Variants in EBF4 observed in about 807,000 individuals in gnomAD.
The protein encoded by EBF4 is EBF transcription factor 4.
Under a neutral mutation model 67.1 loss-of-function variants are expected in EBF4, and 34 were observed. That is an observed-to-expected ratio of 0.51 (90% CI 0.39 to 0.67). The LOEUF (loss-of-function observed/expected upper bound fraction) is 0.67. Among genes scored for constraint, EBF4 ranks in the 30% least tolerant of loss-of-function variants. The pLI is 0.00. For missense variants in EBF4, 837 were observed against 873.3 expected, an observed-to-expected ratio of 0.96 and a Z score of 0.52; for synonymous variants, 387 against 377.7, an observed-to-expected ratio of 1.02 and a Z score of -0.29.
At chr20:2,706,118 G>T in intron 3 of EBF4, 81 bp downstream of exon 3, 2 of 1,548,978 alleles carry the variant, frequency 1.3e-6, no homozygotes, top group Non-Finnish European at 1.7e-6. Flanking sequence ...AATGCCCCCT[G>T]TGCCAGGGCT....
At chr20:2,698,179 G>C (rs1270596948) in intron 1 of EBF4, among the ~76,000 whole-genome samples, 5 of 152,174 alleles carry the variant, frequency 3.3e-5, no homozygotes, top group Non-Finnish European at 2.9e-5. Flanking sequence ...CTGCCCTCAG[G>C]GACTTTGGTC....
intron 6 of EBF4, among the ~76,000 whole-genome samples, chr20:2,729,599 CA>C (rs931268728): frequency 6.6e-6 from 1 of 152,100 alleles, no homozygotes. Flanking sequence ...TTGAGAGCTC[CA>C]CCTACCACAG....
Position 2,747,786 on chromosome 20 carries a change from C to G in EBF4, c.558-763C>G, listed in dbSNP as rs2088073461. On this transcript the variant is annotated intron_variant, in intron 6 of 16. Transcript: ENST00000609451. The surrounding 1 kb of genome is among the most constrained non-coding windows in gnomAD (Gnocchi z 4.6). ...TATTTGTTCTGTGTATTTCCTATTT[C>G]TCTGTGCATATACTGTGTAGGGTGG... Among the ~76,000 whole-genome samples the G allele has an allele frequency of 2.0e-5, 3 of 152,100 alleles. No individual in the cohort carries two copies. The highest frequency in any genetic ancestry group is 6.6e-5 in the Admixed American group (1 of 15,260).
chr20:2,733,954 T>G (rs1253257388), intron 6 of EBF4, among the ~76,000 whole-genome samples: 1 of 152,188 alleles, frequency 6.6e-6, no homozygotes, highest in South Asian at 2.1e-4. Context: ...TAAATTTTAC[T>G]TATTGTTCTT....
chr20:2,756,448 G>A lies in EBF4; in HGVS notation c.1738+624G>A, dbSNP rs2088244791. 6.6e-6 allele frequency among the ~76,000 whole-genome samples: 1 copy of A among 152,246 alleles called. No homozygotes were observed. The highest frequency in any genetic ancestry group is 1.5e-5 in the Non-Finnish European group (1 of 68,046). On this transcript the variant is annotated intron_variant, in intron 15 of 16. Transcript: ENST00000609451. The surrounding 1 kb of genome is among the most constrained non-coding windows in gnomAD (Gnocchi z 4.5). ...ATTGGAAACTCACTGGGAGGACAGA[G>A]GAAGGGACTGGCTGTGGAAAAGGAG...
intron 6 of EBF4, among the ~76,000 whole-genome samples, chr20:2,729,033 A>C (rs2087779735): frequency 6.6e-6 from 1 of 152,190 alleles, no homozygotes; most frequent in Non-Finnish European, 1.5e-5. Flanking sequence ...ATTACTTAAT[A>C]AATTAATAAA....
chr20:2,746,807 T>C (rs1053099347), intron 6 of EBF4, among the ~76,000 whole-genome samples: 5 of 152,072 alleles, frequency 3.3e-5, no homozygotes, highest in Admixed American at 1.3e-4. Context: ...TATCTCCCAA[T>C]TGGGTGGAGG....
At chr20:2,700,334 A>G (rs913095002) in intron 1 of EBF4, among the ~76,000 whole-genome samples, 4 of 152,054 alleles carry the variant, frequency 2.6e-5, no homozygotes, top group Non-Finnish European at 5.9e-5. Flanking sequence ...GGGGAACCCA[A>G]ATAAAATACT....
intron 1 of EBF4, among the ~76,000 whole-genome samples, chr20:2,698,202 T>G (rs1028414631): frequency 1.3e-5 from 2 of 152,148 alleles, no homozygotes; most frequent in African/African-American, 2.4e-5. Flanking sequence ...TGTGCCAATT[T>G]CCTGGGGCAG....
Position 2,714,526 on chromosome 20 carries a change from A to AT in EBF4, c.557+4890dup, listed in dbSNP as rs149838091. Among the ~76,000 whole-genome samples, 4 of 151,816 alleles carry AT rather than the reference A, an allele frequency of 2.6e-5. No homozygotes were observed. The South Asian group carries it at 8.3e-4, about 32-fold the overall frequency. ...GCCAACAAGCCCAGCTAACTTGTGT[A>AT]TTTTTTGTAGAGATGGGGTTTTGCC... On this transcript the variant is annotated intron_variant, in intron 6 of 16. Coordinates refer to ENST00000609451, the Ensembl canonical transcript of EBF4.
At chr20:2,704,083 T>C (rs1453069836) in intron 1 of EBF4, among the ~76,000 whole-genome samples, 1 of 152,210 alleles carries the variant, frequency 6.6e-6, no homozygotes, top group Non-Finnish European at 1.5e-5. Flanking sequence ...TGCAGTGCTT[T>C]TATGATCTAA....
intron 1 of EBF4, among the ~76,000 whole-genome samples, chr20:2,703,916 A>G (rs2087413187): frequency 6.6e-6 from 1 of 152,076 alleles, no homozygotes; most frequent in African/African-American, 2.4e-5. Flanking sequence ...ATCTGCTTCC[A>G]AGGTCGCTCA....
At position 2,755,290 on chromosome 20, in the gene EBF4, G is replaced by A. The variant is rs2088223811; in HGVS notation, c.1541-337G>A. 3.1e-6 allele frequency: 1 copy of A among 318,928 alleles called. No homozygotes were observed. The highest frequency in any genetic ancestry group is 2.2e-5 in the African/African-American group (1 of 46,126). 19.8% of individuals were successfully genotyped at this position (318,928 alleles called of 1,614,324 possible). A position where few individuals can be genotyped will look rare whatever the true frequency, so the allele number is the denominator to read the frequency against. On this transcript the variant is annotated intron_variant, in intron 14 of 16. Coordinates refer to ENST00000609451, the Ensembl canonical transcript of EBF4. This position sits in a 1 kb window ranked among gnomAD's most constrained non-coding sequence, Gnocchi z 4.7. ...TGTTTCCTAGCATCTCAGAATCCCA[G>A]GGGTTTTCAGCAGAAATCCTGAAGT...
chr20:2,745,700 T>C lies in EBF4; in HGVS notation c.558-2849T>C, dbSNP rs534000659. Among the ~76,000 whole-genome samples the C allele has an allele frequency of 6.6e-6, 1 of 152,166 alleles. No homozygotes were observed. Among genetic ancestry groups the C allele is most frequent in the African/African-American group, 2.4e-5 (1 of 41,426 alleles). ...CCTTGGGGAGGGCAGAAGTAAAGGA[T>C]GTCCCAGAGGCAGGACTAGAAGGTG... On this transcript the variant is annotated intron_variant, in intron 6 of 16. Coordinates refer to ENST00000609451, the Ensembl canonical transcript of EBF4. The surrounding 1 kb of genome is among the most constrained non-coding windows in gnomAD (Gnocchi z 5.2).
intron 6 of EBF4, among the ~76,000 whole-genome samples, chr20:2,721,537 T>C (rs2087681249): frequency 6.6e-6 from 1 of 152,008 alleles, no homozygotes; most frequent in African/African-American, 2.4e-5. Flanking sequence ...TCACTGCAAC[T>C]TCCACCTCCT....
intron 1 of EBF4, among the ~76,000 whole-genome samples, chr20:2,704,639 C>T (rs1057470341): frequency 1.3e-5 from 2 of 152,184 alleles, no homozygotes; most frequent in Admixed American, 1.3e-4. Flanking sequence ...TGAAGCCTTC[C>T]CTTCATCTCC....
intron 6 of EBF4, among the ~76,000 whole-genome samples, chr20:2,722,783 G>A (rs886812935): frequency 2.6e-5 from 4 of 152,128 alleles, no homozygotes; most frequent in Non-Finnish European, 5.9e-5. Flanking sequence ...GTTTTGTTTT[G>A]TTTTGTTTTC....
upstream of EBF4, among the ~76,000 whole-genome samples, chr20:2,693,339 A>G (rs1243076743): frequency 6.7e-6 from 1 of 150,250 alleles, no homozygotes; most frequent in African/African-American, 2.4e-5. This position sits in a 1 kb window ranked among gnomAD's most constrained non-coding sequence, Gnocchi z 4.6. Flanking sequence ...CTCCGCGCGG[A>G]CCGGGTGCGG....
intron 1 of EBF4, among the ~76,000 whole-genome samples, chr20:2,700,360 C>T (rs2087356290): frequency 6.6e-6 from 1 of 152,202 alleles, no homozygotes; most frequent in African/African-American, 2.4e-5. Flanking sequence ...CTCCAGGCTT[C>T]AGAGGCTCTA....
Sources: allele counts gnomAD v4.1 joint callset (sites outside exome capture counted in the v4.1 genomes callset), GRCh38; gene constraint gnomAD v4.1.1; non-coding constraint Gnocchi (gnomAD v3.1); transcripts MANE v1.5; gene names NCBI Gene and HGNC (gene_info 2026-07-23, HGNC 2026-07-21).